Variants in RNLS observed in about 807,000 individuals in gnomAD.
The protein encoded by RNLS is renalase, FAD dependent amine oxidase, also known as renalase.
A neutral mutation model predicts 39.8 loss-of-function variants in RNLS; 39 were observed. That is an observed-to-expected ratio of 0.98 (90% CI 0.76 to 1.28). The LOEUF is 1.28. Ranked by LOEUF, RNLS falls within the 50% of genes most tolerant of loss-of-function variation. The pLI is 0.00. For missense variants in RNLS, 410 were observed against 413.3 expected, an observed-to-expected ratio of 0.99 and a Z score of 0.07; for synonymous variants, 147 against 150.7, an observed-to-expected ratio of 0.98 and a Z score of 0.18.
chr10:88,582,939 C>T (rs1450645991), intron 1 of RNLS, 134 bp downstream of exon 1: 2 of 1,061,336 alleles, frequency 1.9e-6, no homozygotes, highest in Non-Finnish European at 2.6e-6. Flanking sequence ...GCGCATGGGC[C>T]GCGCTACACG....
intron 4 of RNLS, among the ~76,000 whole-genome samples, chr10:88,391,512 C>T (rs758796293): frequency 6.6e-6 from 1 of 152,014 alleles, no homozygotes. Context: ...AAGCCAAGGT[C>T]GCGCCACTGC....
At chr10:88,362,513 A>G (rs760294632) in intron 5 of RNLS, 39 bp downstream of exon 5, 1 of 1,578,716 alleles carries the variant, frequency 6.3e-7, no homozygotes, top group South Asian at 1.1e-5. Flanking sequence ...TACACCCACC[A>G]TTGTTGCTGT....
the RNLS span, among the ~76,000 whole-genome samples, chr10:88,247,010 T>C: frequency 6.6e-6 from 1 of 152,214 alleles, no homozygotes; most frequent in Non-Finnish European, 1.5e-5. Context: ...TTGTATTGTT[T>C]TGTTATGAAT....
chr10:88,217,143 G>A, the RNLS span, among the ~76,000 whole-genome samples: 1 of 152,178 alleles, frequency 6.6e-6, no homozygotes, highest in East Asian at 1.9e-4. Flanking sequence ...ACACTTCTAA[G>A]ACCAGTATTG....
Position 88,417,639 on chromosome 10 carries a change from C to T in RNLS, c.527-54914G>A, listed in dbSNP as rs554513006. Among the ~76,000 whole-genome samples the T allele has an allele frequency of 3.9e-5, 6 of 152,170 alleles. No homozygotes were observed. In the East Asian group the frequency reaches 7.7e-4, roughly 20 times the overall value. ...CCTTGAGGCCACTCAAAGGCCAGCT[C>T]CTGAAATATGAGCCATAGCCCTTTA... On this transcript the variant is annotated intron_variant, in intron 4 of 6. Coordinates refer to ENST00000331772, the MANE Select transcript of RNLS (RefSeq NM_001031709.3).
intron 4 of RNLS, among the ~76,000 whole-genome samples, chr10:88,394,506 G>A (rs1008309692): frequency 1.1e-4 from 16 of 152,152 alleles, no homozygotes; most frequent in African/African-American, 1.7e-4. Context: ...ACCATCTCAC[G>A]CCAGTTAGAA....
intron 4 of RNLS, among the ~76,000 whole-genome samples, chr10:88,530,120 T>C (rs1255828234): frequency 6.6e-6 from 1 of 152,168 alleles, no homozygotes; most frequent in Non-Finnish European, 1.5e-5. Flanking sequence ...CTGGATCAAA[T>C]CCTGGCTCCA....
rs553567646 is a variant in RNLS, at chr10:88,317,150, T to C, written c.701-2509A>G. On this transcript the variant is annotated intron_variant, in intron 5 of 6. Coordinates refer to ENST00000331772, the MANE Select transcript of RNLS (RefSeq NM_001031709.3). Reference sequence around the variant, plus strand: ...TTTTAAATGTAAAGCTCACAGTAAGTTGACAATTATTTCTCTACTTTGGGA... The same window carrying C: ...TTTTAAATGTAAAGCTCACAGTAAGCTGACAATTATTTCTCTACTTTGGGA... Among the ~76,000 whole-genome samples the C allele has an allele frequency of 3.3e-5, 5 of 152,350 alleles. No individual in the cohort carries two copies. The South Asian group carries it at 1.0e-3, about 32-fold the overall frequency.
chr10:88,304,064 C>A (rs1448202289), intron 6 of RNLS, among the ~76,000 whole-genome samples: 1 of 152,188 alleles, frequency 6.6e-6, no homozygotes, highest in Admixed American at 6.5e-5. Flanking sequence ...TTACAGCATG[C>A]AGACCAGGAG....
the RNLS span, among the ~76,000 whole-genome samples, chr10:88,173,806 T>A: frequency 1.3e-5 from 2 of 152,118 alleles, no homozygotes; most frequent in Non-Finnish European, 2.9e-5. Context: ...TAAAAAAAAA[T>A]TATGTCCATA....
intron 6 of RNLS, among the ~76,000 whole-genome samples, chr10:88,300,192 G>A (rs1256998649): frequency 6.6e-6 from 1 of 152,148 alleles, no homozygotes; most frequent in Non-Finnish European, 1.5e-5. Flanking sequence ...ATGTGATGAG[G>A]AAGGGATACA....
rs192674287 is a variant in RNLS, at chr10:88,463,882, T to C, written c.527-101157A>G. On this transcript the variant is annotated intron_variant, in intron 4 of 6. Transcript: ENST00000331772. ...GTGATTCTTTGGAAACTTAACTCTA[T>C]GATGACTTTGAGGCCTCAAAATAAT... Among the ~76,000 whole-genome samples, 125 of 152,074 alleles carry C rather than the reference T, an allele frequency of 8.2e-4. 1 individual carries two copies. Among genetic ancestry groups the C allele is most frequent in the Non-Finnish European group, 3.4e-4 (23 of 67,934 alleles).
At chr10:88,241,022 A>C in the RNLS span, among the ~76,000 whole-genome samples, 3 of 150,580 alleles carry the variant, frequency 2.0e-5, no homozygotes, top group Non-Finnish European at 4.4e-5. Context: ...TCTTACATGA[A>C]ATGTAAGAAT....
intron 4 of RNLS, among the ~76,000 whole-genome samples, chr10:88,524,982 T>C (rs1427767874): frequency 1.1e-4 from 15 of 134,668 alleles, no homozygotes; most frequent in African/African-American, 3.2e-4. Context: ...TATATATATA[T>C]ATATATATAT....
chr10:88,309,499 C>CA (rs1457163728), intron 6 of RNLS: 15 of 1,263,010 alleles, frequency 1.2e-5, no homozygotes, highest in African/African-American at 1.5e-5. Flanking sequence ...TTCTGCCCTT[C>CA]AGCCATTGCA....
At chr10:88,285,616 C>A in intron 6 of RNLS, 110 bp from the exon 7 acceptor site, 1 of 900,212 alleles carries the variant, frequency 1.1e-6, no homozygotes, top group Non-Finnish European at 1.7e-6. Context: ...AGATTTCTCA[C>A]AAGAAGCACC....
intron 6 of RNLS, among the ~76,000 whole-genome samples, chr10:88,288,933 TA>T (rs1307825301): frequency 2.6e-5 from 4 of 152,150 alleles, no homozygotes; most frequent in Non-Finnish European, 4.4e-5. Context: ...AATCTCACAA[TA>T]ATGCAGCCTT....
the RNLS span, among the ~76,000 whole-genome samples, chr10:88,231,389 A>C: frequency 6.6e-6 from 1 of 152,234 alleles, no homozygotes; most frequent in South Asian, 2.1e-4. Context: ...TGACATCTTC[A>C]TCTTGGAATT....
At chr10:88,334,989 C>T (rs1245583928) in intron 5 of RNLS, among the ~76,000 whole-genome samples, 2 of 152,126 alleles carry the variant, frequency 1.3e-5, no homozygotes, top group Non-Finnish European at 2.9e-5. Flanking sequence ...CCAACTCAGT[C>T]AAAATTTCAA....
Sources: gnomAD v4.1 joint callset for allele counts (sites outside exome capture counted in the v4.1 genomes callset) on GRCh38, gnomAD v4.1.1 for gene constraint, MANE v1.5 for transcripts, NCBI Gene and HGNC (gene_info 2026-07-23, HGNC 2026-07-21) for gene names.